The following KIAA1217 variants were observed in gnomAD, a reference collection of about 807,000 sequenced individuals.
KIAA1217 encodes KIAA1217.
Under a neutral mutation model 163.9 loss-of-function variants are expected in KIAA1217, and 88 were observed. The observed-to-expected ratio is 0.54, with a 90% CI of 0.45 to 0.64. KIAA1217 has a LOEUF of 0.64. KIAA1217 is among the 30% of genes least tolerant of loss of function. The pLI is 0.00. For synonymous variants in KIAA1217, 903 were observed against 923.1 expected, an observed-to-expected ratio of 0.98 and a Z score of 0.39; for missense variants, 2,372 against 2,475.0, an observed-to-expected ratio of 0.96 and a Z score of 0.88.
intron 13 of KIAA1217, among the ~76,000 whole-genome samples, chr10:24,525,407 C>A (rs1338965611): frequency 1.3e-5 from 2 of 152,132 alleles, no homozygotes; most frequent in Non-Finnish European, 2.9e-5. Flanking sequence ...CTAAGTGGAA[C>A]AAGAACGAGG....
chr10:23,988,115 C>CAGT (rs35183120), intron 1 of KIAA1217, among the ~76,000 whole-genome samples: 1 of 56,854 alleles, frequency 1.8e-5, no homozygotes. Context: ...GGCTGTCCAG[C>CAGT]ACTCCCTTGC....
intron 1 of KIAA1217, among the ~76,000 whole-genome samples, chr10:23,864,370 T>C (rs1200080541): frequency 1.3e-5 from 2 of 152,110 alleles, no homozygotes; most frequent in African/African-American, 4.8e-5. Context: ...GACCCTTCAG[T>C]ATCTTCTCTC....
At chr10:23,830,722 A>G (rs1198016471) in intron 1 of KIAA1217, among the ~76,000 whole-genome samples, 2 of 151,922 alleles carry the variant, frequency 1.3e-5, no homozygotes, top group African/African-American at 2.4e-5. Context: ...AGATAGGTAG[A>G]TAGATAGCTA....
chr10:24,147,203 A>G (rs2131848161), intron 2 of KIAA1217, among the ~76,000 whole-genome samples: 1 of 152,288 alleles, frequency 6.6e-6, no homozygotes, highest in East Asian at 1.9e-4. Flanking sequence ...TTCATTGCAG[A>G]CATCAAAGAA....
chr10:23,880,636 C>T (rs986235085), intron 1 of KIAA1217, among the ~76,000 whole-genome samples: 2 of 151,856 alleles, frequency 1.3e-5, no homozygotes, highest in Non-Finnish European at 2.9e-5. Flanking sequence ...AGGATAAATG[C>T]TTAAGGGGAT....
chr10:24,327,899 A>C (rs927996689), intron 2 of KIAA1217, among the ~76,000 whole-genome samples: 2 of 152,210 alleles, frequency 1.3e-5, no homozygotes, highest in African/African-American at 4.8e-5. Context: ...CATTATCATT[A>C]ACCCATTTTC....
chr10:24,085,398 T>A (rs114304076), intron 2 of KIAA1217, among the ~76,000 whole-genome samples: 3,976 of 152,252 alleles, frequency 0.026, 160 homozygotes, highest in African/African-American at 0.091. Flanking sequence ...AGGAAACGAA[T>A]AAACTGAGAA....
intron 1 of KIAA1217, among the ~76,000 whole-genome samples, chr10:23,734,769 T>C (rs569191753): frequency 2.0e-5 from 3 of 152,316 alleles, no homozygotes; most frequent in African/African-American, 7.2e-5. Context: ...TATTCATATT[T>C]ATCATGATAA....
chr10:24,494,802 T>G (rs925423815), intron 7 of KIAA1217, among the ~76,000 whole-genome samples, 198 bp downstream of exon 7: 2 of 152,202 alleles, frequency 1.3e-5, no homozygotes, highest in African/African-American at 4.8e-5. Flanking sequence ...CTGGTAATTC[T>G]TGGTCGAAAG....
At chr10:24,533,042 C>G in intron 15 of KIAA1217, 28 bp from the exon 16 acceptor site, 1 of 1,584,284 alleles carries the variant, frequency 6.3e-7, no homozygotes, top group Non-Finnish European at 8.6e-7. Context: ...GATGTTAAAC[C>G]ACTATCTGTT....
intron 1 of KIAA1217, among the ~76,000 whole-genome samples, chr10:23,696,748 T>G (rs1809999586): frequency 6.6e-6 from 1 of 152,144 alleles, no homozygotes; most frequent in Admixed American, 6.5e-5. Context: ...CGCAGCCCAT[T>G]AAGTGTATGG....
At position 23,993,553 on chromosome 10, in the gene KIAA1217, CTTTTTT is replaced by C. The variant is rs200437343; in HGVS notation, c.-320-13657_-320-13652del. 4.4e-5 allele frequency among the ~76,000 whole-genome samples: 3 copies of C among 68,940 alleles called. 1 individual carries two copies. Among genetic ancestry groups the C allele is most frequent in the South Asian group, 1.2e-3 (2 of 1,674 alleles). 45.2% of individuals were successfully genotyped at this position (68,940 alleles called of 152,430 possible). On this transcript the variant is annotated intron_variant, in intron 1 of 18. Transcript: ENST00000376462. ...AAGAGTTTGGCTCTCCATAGCCCAGCTTTTTTTTTTTTTTTTTTTTGAGACAGAGTC... is the reference window on the plus strand; with the variant it reads ...AAGAGTTTGGCTCTCCATAGCCCAGCTTTTTTTTTTTTTTGAGACAGAGTC...
rs544331483 is a variant in KIAA1217, at chr10:23,894,677, C to T, written c.-320-112548C>T. 9.1e-4 allele frequency among the ~76,000 whole-genome samples: 134 copies of T among 147,686 alleles called. 1 individual carries two copies. The highest frequency in any genetic ancestry group is 7.1e-3 in the Admixed American group (104 of 14,600). On this transcript the variant is annotated intron_variant, in intron 1 of 18. Transcript: ENST00000376462. ...TATGGAACCAAAAAAGAGCCCGCAT[C>T]GCCAAGTCAATCCGAAGCCAAAAGA...
intron 1 of KIAA1217, among the ~76,000 whole-genome samples, chr10:23,925,375 T>G (rs901101309): frequency 6.6e-6 from 1 of 152,128 alleles, no homozygotes; most frequent in Non-Finnish European, 1.5e-5. Flanking sequence ...TCCCGGAGCT[T>G]CATTCTAGTG....
chr10:23,784,830 T>G (rs1835417852), intron 1 of KIAA1217, among the ~76,000 whole-genome samples: 1 of 152,188 alleles, frequency 6.6e-6, no homozygotes, highest in Admixed American at 6.6e-5. Flanking sequence ...CTGTAGTTAC[T>G]TTTTGTCTGT....
At chr10:24,053,625 A>C (rs528427087) in intron 2 of KIAA1217, among the ~76,000 whole-genome samples, 2 of 152,242 alleles carry the variant, frequency 1.3e-5, no homozygotes, top group African/African-American at 4.8e-5. Context: ...CCACTCAAAA[A>C]ATAAAAAGAA....
chr10:23,765,918 C>T (rs1391108637), intron 1 of KIAA1217, among the ~76,000 whole-genome samples: 5 of 152,152 alleles, frequency 3.3e-5, no homozygotes, highest in Admixed American at 6.5e-5. Context: ...CATTAACTTG[C>T]TATACTGCCT....
intron 2 of KIAA1217, among the ~76,000 whole-genome samples, chr10:24,369,343 C>A (rs1355307819): frequency 6.6e-6 from 1 of 151,982 alleles, no homozygotes; most frequent in Non-Finnish European, 1.5e-5. Context: ...TGGGGAGGGT[C>A]TGGCCATAAG....
chr10:24,241,949 G>C (rs563890781), intron 2 of KIAA1217, among the ~76,000 whole-genome samples: 45 of 152,176 alleles, frequency 3.0e-4, no homozygotes, highest in East Asian at 1.9e-3. Context: ...AGGGATTTTG[G>C]CATCTGAGCT....
Sources: gnomAD v4.1 joint callset for allele counts (sites outside exome capture counted in the v4.1 genomes callset) on GRCh38, gnomAD v4.1.1 for gene constraint, MANE v1.5 for transcripts, NCBI Gene and HGNC (gene_info 2026-07-23, HGNC 2026-07-21) for gene names.